Variants in APOBEC4 observed in about 807,000 individuals in gnomAD.
APOBEC4 encodes putative deaminase APOBEC-4.
For synonymous variants in APOBEC4, 141 were observed against 154.2 expected (o/e 0.91, Z 0.63); for missense variants, 375 against 441.2 (o/e 0.85, Z 1.34).
Position 183,648,477 on chromosome 1 carries a change from T to A in APOBEC4, c.305A>T (p.Asn102Ile). 1 of 1,614,210 alleles carries A rather than the reference T, an allele frequency of 6.2e-7. No individual in the cohort carries two copies. The highest frequency in any genetic ancestry group is 8.5e-7 in the Non-Finnish European group (1 of 1,180,032). The change falls in exon 2 of 2, where the codon AAT becomes ATT. Residue 102 changes from asparagine (N) to isoleucine (I), a missense_variant. Asn to Ile is a moderately radical substitution (Grantham distance 149, BLOSUM62 -3). Coordinates refer to ENST00000308641, the MANE Select transcript of APOBEC4 (RefSeq NM_203454.3). ...GTATATGGCTGAGTCAAGATAACCA[T>A]TCATTTCAAAGAGCATTGATTCTGG... ...IHPESMLFEM[N>I]GYLDSAIYNN... is the part of the protein sequence containing the mutation.
chr1:183,652,061 T>C (rs1283331301), intron 1 of APOBEC4, among the ~76,000 whole-genome samples: 1 of 152,214 alleles, frequency 6.6e-6, no homozygotes, highest in African/African-American at 2.4e-5. Context: ...ACAGATTGAT[T>C]TGGCTAAATG....
intron 1 of APOBEC4, among the ~76,000 whole-genome samples, chr1:183,651,530 T>C (rs1650751262): frequency 6.6e-6 from 1 of 152,182 alleles, no homozygotes; most frequent in Non-Finnish European, 1.5e-5. Context: ...GCAGAAAATA[T>C]GTTAAAAGCC....
chr1:183,649,681 G>T (rs1484496113), intron 1 of APOBEC4, among the ~76,000 whole-genome samples: 2 of 152,098 alleles, frequency 1.3e-5, no homozygotes, highest in African/African-American at 4.8e-5. Context: ...AAGCAAATAT[G>T]GTTCTTTAGA....
intron 1 of APOBEC4, among the ~76,000 whole-genome samples, chr1:183,650,254 T>TTCTTTAAAAAA (rs141508478): frequency 0.013 from 1,977 of 152,212 alleles, 52 homozygotes; most frequent in African/African-American, 0.046. Flanking sequence ...TTATTAAAAA[T>TTCTTTAAAAAA]AATATTCGGC....
At position 183,647,497 on chromosome 1, in the gene APOBEC4, G is replaced by A. The variant is rs1410307801; in HGVS notation, c.*181C>T. 3.0e-6 allele frequency: 3 copies of A among 986,888 alleles called. No homozygotes were observed. Among genetic ancestry groups the A allele is most frequent in the Non-Finnish European group, 4.1e-6 (3 of 738,386 alleles). The allele number at this position is 986,888 out of a possible 1,614,324, so 61.1% of individuals were successfully genotyped here. ...ATCAAGTTGCTTATGGAAACATTTT[G>A]GATTATGTTTAAAATAGTGTAACTT... On this transcript the variant is annotated 3_prime_UTR_variant, in exon 2 of 2. Coordinates refer to ENST00000308641, the MANE Select transcript of APOBEC4 (RefSeq NM_203454.3).
chr1:183,650,718 T>G (rs978894235), intron 1 of APOBEC4, among the ~76,000 whole-genome samples: 10 of 150,886 alleles, frequency 6.6e-5, no homozygotes, highest in Non-Finnish European at 1.0e-4. Flanking sequence ...ATTTTTTTTT[T>G]TTTTTAGAAT....
At chr1:183,652,622 C>T in intron 1 of APOBEC4, among the ~76,000 whole-genome samples, 1 of 152,136 alleles carries the variant, frequency 6.6e-6, no homozygotes, top group Non-Finnish European at 1.5e-5. Context: ...GGAAATGTAC[C>T]CTGTTTAGGC....
At position 183,647,344 on chromosome 1, in the gene APOBEC4, A is replaced by G. The variant is rs1483051104; in HGVS notation, c.*334T>C. The G allele has an allele frequency of 5.7e-6, 1 of 175,798 alleles. No individual in the cohort carries two copies. The highest frequency in any genetic ancestry group is 2.4e-5 in the African/African-American group (1 of 42,360). 10.9% of individuals were successfully genotyped at this position (175,798 alleles called of 1,614,324 possible). A position where few individuals can be genotyped will look rare whatever the true frequency, so the allele number is the denominator to read the frequency against. On this transcript the variant is annotated 3_prime_UTR_variant, in exon 2 of 2. Transcript: ENST00000308641. The stretch of plus-strand genomic sequence containing the variant: ...ACAAATTTAGGTAGCTATTTTGTCC[A>G]TGGGCTTTTGTAGTGGAAAGATGAT...
At chr1:183,650,142 C>G (rs1359986881) in intron 1 of APOBEC4, among the ~76,000 whole-genome samples, 1 of 152,160 alleles carries the variant, frequency 6.6e-6, no homozygotes, top group Non-Finnish European at 1.5e-5. Context: ...TCTATTCCCT[C>G]CAGTCTTTTT....
chr1:183,649,528 C>A (rs1245629614), intron 1 of APOBEC4, among the ~76,000 whole-genome samples: 1 of 152,056 alleles, frequency 6.6e-6, no homozygotes, highest in African/African-American at 2.4e-5. Flanking sequence ...CATGGGATCT[C>A]TTTTGCTTAA....
chr1:183,648,757 G>A lies in APOBEC4; in HGVS notation c.25C>T (p.Leu9=), dbSNP rs1650503570. MEPIYEEY[L]ANHGTIVKPY... ...TTTACTATTGTTCCATGATTTGCTA[G>A]GTACTCCTCATATATGGGCTCCATT... is the stretch of plus-strand genomic sequence containing the variant. The change falls in exon 2 of 2, where the codon CTA becomes TTA. Residue 9 remains leucine (L), a synonymous_variant. Transcript: ENST00000308641. The A allele has an allele frequency of 6.2e-7, 1 of 1,609,782 alleles. No individual in the cohort carries two copies. The highest frequency in any genetic ancestry group is 2.2e-5 in the East Asian group (1 of 44,784).
chr1:183,651,997 C>T (rs6682557), intron 1 of APOBEC4, among the ~76,000 whole-genome samples: 1,577 of 152,234 alleles, frequency 0.01, 31 homozygotes, highest in African/African-American at 0.036. Context: ...GGTGGTACAC[C>T]GGACATCCAG....
intron 1 of APOBEC4, among the ~76,000 whole-genome samples, chr1:183,650,235 T>C (rs1650621546): frequency 6.6e-6 from 1 of 151,780 alleles, no homozygotes; most frequent in Non-Finnish European, 1.5e-5. Flanking sequence ...CCATGAGCAT[T>C]TTCCCATGTT....
chr1:183,648,547 C>A lies in APOBEC4; in HGVS notation c.235G>T (p.Val79Leu), dbSNP rs1195436264. 6.2e-7 allele frequency: 1 copy of A among 1,614,000 alleles called. No individual in the cohort carries two copies. Among genetic ancestry groups the A allele is most frequent in the Non-Finnish European group, 8.5e-7 (1 of 1,180,040 alleles). The change falls in exon 2 of 2, where the codon GTG (valine) becomes TTG (leucine). Residue 79 changes from valine to leucine, a missense_variant. Physicochemically the swap from Val to Leu is conservative, Grantham distance 32. Transcript: ENST00000308641. ...CAACTGCTAGCATGGCCCTTTTGCA[C>A]CAGGCTACCAGAAGAAGTTTTTAGT... Reference protein sequence around the residue: ...YELKTSSGSLVQKGHASSCTG... With the variant: ...YELKTSSGSLLQKGHASSCTG...
At position 183,648,106 on chromosome 1, in the gene APOBEC4, C is replaced by A; in HGVS notation, c.676G>T (p.Ala226Ser). ...CCTGTTATGGCATTGATTTCATATG[C>A]GTTGTGCCTGTCAGCCAGTGCTCTC... ...TGRALADRHN[A>S]YEINAITGVK... Residue 226 changes from alanine (A) to serine (S), a missense_variant, in exon 2 of 2, where the codon GCA becomes TCA. Ala to Ser is a moderately conservative substitution (Grantham distance 99, BLOSUM62 1). Transcript: ENST00000308641. The A allele has an allele frequency of 6.2e-7, 1 of 1,614,210 alleles. No homozygotes were observed. Among genetic ancestry groups the A allele is most frequent in the South Asian group, 1.1e-5 (1 of 91,084 alleles).
rs973127459 is a variant in APOBEC4, at chr1:183,650,144, A to G, written c.-30-1333T>C. On this transcript the variant is annotated intron_variant, in intron 1 of 1. Coordinates refer to ENST00000308641, the MANE Select transcript of APOBEC4 (RefSeq NM_203454.3). ...CACTATTAACATGTCTATTCCCTCC[A>G]GTCTTTTTGCTATATGTGTATGTTA... Among the ~76,000 whole-genome samples the G allele has an allele frequency of 5.7e-4, 87 of 152,146 alleles. 1 individual carries two copies. Among genetic ancestry groups the G allele is most frequent in the African/African-American group, 2.0e-3 (83 of 41,420 alleles).
Position 183,647,661 on chromosome 1 carries a change from CTGTAGGAA to C in APOBEC4, c.*9_*16del. Reference sequence around the variant, plus strand: ...AAGTCCCTTGGTAATTGGTTTCATGCTGTAGGAATGTAGATTTTATTTCTTCCCTTTCT... The same window carrying C: ...AAGTCCCTTGGTAATTGGTTTCATGCTGTAGATTTTATTTCTTCCCTTTCT... On this transcript the variant is annotated 3_prime_UTR_variant, in exon 2 of 2. Coordinates refer to ENST00000308641, the MANE Select transcript of APOBEC4 (RefSeq NM_203454.3). 2 of 1,574,692 alleles carry C rather than the reference CTGTAGGAA, an allele frequency of 1.3e-6. No homozygotes were observed. The highest frequency in any genetic ancestry group is 1.7e-6 in the Non-Finnish European group (2 of 1,158,840).
At chr1:183,650,656 G>T (rs974840440) in intron 1 of APOBEC4, among the ~76,000 whole-genome samples, 17 of 150,632 alleles carry the variant, frequency 1.1e-4, no homozygotes, top group Non-Finnish European at 2.1e-4. Context: ...AAATATTTCT[G>T]TGAGAAATTA....
chr1:183,653,133 T>C lies in APOBEC4; in HGVS notation c.-92A>G, dbSNP rs968634823. ...TGTTAGAAGAGATGGTCCATTTCCT[T>C]TTTTTTCTCCTTTAAGTCCCATGCC... On this transcript the variant is annotated 5_prime_UTR_variant, in exon 1 of 2. Coordinates refer to ENST00000308641, the MANE Select transcript of APOBEC4 (RefSeq NM_203454.3). 4.7e-5 allele frequency: 7 copies of C among 147,380 alleles called. No homozygotes were observed. The highest frequency in any genetic ancestry group is 1.6e-4 in the African/African-American group (6 of 36,800). The allele number at this position is 147,380 out of a possible 1,614,324, so 9.1% of individuals were successfully genotyped here.
Sources: allele counts gnomAD v4.1 joint callset (sites outside exome capture counted in the v4.1 genomes callset), GRCh38; gene constraint gnomAD v4.1.1; transcripts MANE v1.5; gene names NCBI Gene and HGNC (gene_info 2026-07-23, HGNC 2026-07-21).